POLR3A: variants seen among roughly 807,000 people sequenced by gnomAD.
The protein encoded by POLR3A is DNA-directed RNA polymerase III subunit RPC1.
POLR3A carries 112 observed loss-of-function variants against 152.8 expected under a neutral mutation model. That is an observed-to-expected ratio of 0.73 (90% CI 0.63 to 0.86). The LOEUF (loss-of-function observed/expected upper bound fraction) is 0.86, where lower values mean the gene tolerates loss of function less well. Among genes scored for constraint, POLR3A ranks in the 40% least tolerant of loss-of-function variants. The pLI is 0.00. For synonymous variants in POLR3A, 615 were observed against 652.1 expected, an observed-to-expected ratio of 0.94 and a Z score of 0.87; for missense variants, 1,385 against 1,743.1, an observed-to-expected ratio of 0.79 and a Z score of 3.66.
chr10:78,020,728 C>T (rs1847571405), intron 8 of POLR3A, among the ~76,000 whole-genome samples: 1 of 152,056 alleles, frequency 6.6e-6, no homozygotes, highest in Admixed American at 6.6e-5. Flanking sequence ...GTGGAGCTTG[C>T]CGTAAGCAGA....
rs1847584704 is a variant in POLR3A, at chr10:78,022,028, A to G, written c.886-6T>C. ...TTGGCTCCTGAGATCCGATGCTAAA[A>G]CCAGCACAGCCCAAACAGAAACAAA... On this transcript the variant is annotated splice_polypyrimidine_tract_variant and splice_region_variant and intron_variant, in intron 6 of 30. Transcript: ENST00000372371. 6.2e-7 allele frequency: 1 copy of G among 1,614,168 alleles called. No individual in the cohort carries two copies.
In POLR3A at chr10:77,975,981, AG is replaced by A. The variant is rs1339061447; in HGVS notation, c.*1496del. The A allele has an allele frequency of 3.3e-5, 5 of 152,192 alleles. No homozygotes were observed. Among genetic ancestry groups the A allele is most frequent in the Admixed American group, 1.3e-4 (2 of 15,290 alleles). 9.4% of individuals were successfully genotyped at this position (152,192 alleles called of 1,614,324 possible). A position where few individuals can be genotyped will look rare whatever the true frequency, so the allele number is the denominator to read the frequency against. On this transcript the variant is annotated 3_prime_UTR_variant, in exon 31 of 31. Transcript: ENST00000372371. Reference sequence around the variant, plus strand: ...AGGCTCTAGCTCAATTCAAAGATAAAGGGGGGTTAAACATTAAGAAAAATGG... The same window carrying A: ...AGGCTCTAGCTCAATTCAAAGATAAAGGGGGTTAAACATTAAGAAAAATGG...
intron 21 of POLR3A, among the ~76,000 whole-genome samples, chr10:77,988,546 A>G (rs1223649188): frequency 6.6e-6 from 1 of 152,168 alleles, no homozygotes. Flanking sequence ...TAGAGTTCTC[A>G]AGAAACTCTT....
At chr10:78,010,618 T>C in intron 11 of POLR3A, 78 bp from the exon 12 acceptor site, 1 of 990,752 alleles carries the variant, frequency 1.0e-6, no homozygotes, top group South Asian at 1.3e-5. Context: ...ACAAGGTTTT[T>C]GAATAGTTAT....
chr10:77,991,845 C>T (rs1489831933), intron 20 of POLR3A, among the ~76,000 whole-genome samples: 4 of 152,156 alleles, frequency 2.6e-5, no homozygotes, highest in Non-Finnish European at 5.9e-5. Flanking sequence ...CTCTCCTCTG[C>T]TTTGTCCAAG....
At chr10:78,029,323 C>A (rs772964469) in intron 1 of POLR3A, 41 bp downstream of exon 1, 20 of 1,608,418 alleles carry the variant, frequency 1.2e-5, no homozygotes, top group Non-Finnish European at 1.6e-5. Context: ...GGACCCCTTG[C>A]CCTATTTCTC....
In POLR3A at chr10:78,022,138, C is replaced by G; in HGVS notation, c.885+7G>C. The G allele has an allele frequency of 6.2e-7, 1 of 1,614,154 alleles. No homozygotes were observed. The highest frequency in any genetic ancestry group is 8.5e-7 in the Non-Finnish European group (1 of 1,180,012). ...ATGAAACTTACAAGGAAATGGGAGG[C>G]ACTGACCTTTTTAATAACATCGTTT... On this transcript the variant is annotated splice_region_variant and intron_variant, in intron 6 of 30. Transcript: ENST00000372371.
At chr10:78,016,872 CAA>C (rs201996598) in intron 10 of POLR3A, among the ~76,000 whole-genome samples, 47 of 79,554 alleles carry the variant, frequency 5.9e-4, no homozygotes, top group Non-Finnish European at 6.0e-4. Flanking sequence ...AGACTGTCTC[CAA>C]AAAAAAAAAA....
chr10:77,983,398 A>G (rs1019463889), intron 26 of POLR3A, among the ~76,000 whole-genome samples: 1 of 152,210 alleles, frequency 6.6e-6, no homozygotes, highest in Admixed American at 6.5e-5. Flanking sequence ...CCCGAGAGAA[A>G]GAAGAGGGTG....
chr10:78,004,721 G>C lies in POLR3A; in HGVS notation c.2242C>G (p.Leu748Val). Residue 748 changes from leucine to valine, a missense_variant, in exon 16 of 31, where the codon CTG (leucine) becomes GTG (valine). This residue lies in a region of POLR3A where 170 missense variants were observed against 231.2 expected (regional missense o/e 0.74). Coordinates refer to ENST00000372371, the MANE Select transcript of POLR3A (RefSeq NM_007055.4). The stretch of plus-strand genomic sequence containing the variant: ...AACCAAAGGGCCGGGCTCACCTCCA[G>C]GGTCTCCTCAGCAGTGCAGCCAGGC... ...QQPGCTAEET[L>V]EALILKELSV... 1 of 1,612,822 alleles carries C rather than the reference G, an allele frequency of 6.2e-7. No homozygotes were observed. Among genetic ancestry groups the C allele is most frequent in the Admixed American group, 1.7e-5 (1 of 60,008 alleles).
chr10:78,001,128 T>A, intron 17 of POLR3A, 34 bp from the exon 18 acceptor site: 1 of 1,170,274 alleles, frequency 8.5e-7, no homozygotes, highest in Non-Finnish European at 1.3e-6. Flanking sequence ...AACATTCATT[T>A]ACCAAAATAA....
intron 19 of POLR3A, among the ~76,000 whole-genome samples, chr10:77,999,652 A>G (rs555068346): frequency 6.6e-6 from 1 of 152,320 alleles, no homozygotes; most frequent in South Asian, 2.1e-4. Context: ...AGGCCTTGCA[A>G]TAACCCTCAT....
chr10:78,026,259 C>T (rs747569805), intron 1 of POLR3A, 30 bp from the exon 2 acceptor site: 1 of 1,613,690 alleles, frequency 6.2e-7, no homozygotes, highest in South Asian at 1.1e-5. Flanking sequence ...GTGAAAATTA[C>T]AGCAAAATCT....
chr10:78,007,744 C>T lies in POLR3A; in HGVS notation c.2032G>A (p.Asp678Asn). Residue 678 changes from aspartate to asparagine, a missense_variant, in exon 15 of 31, where the codon GAT (aspartate) becomes AAT (asparagine). Asp to Asn is a conservative substitution (Grantham distance 23). This residue lies in a region of POLR3A where 170 missense variants were observed against 231.2 expected (regional missense o/e 0.74). Transcript: ENST00000372371. ...AGCCTGGCGAGCCGTGACATGGCAT[C>T]TGCAGCTTCATTCTGTCCCCAGTCT... Reference protein sequence around the residue: ...LRDWGQNEAADAMSRLARLAP... With the variant: ...LRDWGQNEAANAMSRLARLAP... The T allele has an allele frequency of 6.2e-7, 1 of 1,614,118 alleles. No individual in the cohort carries two copies.
intron 10 of POLR3A, among the ~76,000 whole-genome samples, chr10:78,014,023 A>G (rs1198031484): frequency 6.6e-6 from 1 of 152,130 alleles, no homozygotes; most frequent in African/African-American, 2.4e-5. Flanking sequence ...CAGGTGTGGT[A>G]ACACATGCCT....
chr10:77,996,391 TCAA>T (rs952772629), intron 19 of POLR3A, among the ~76,000 whole-genome samples: 12 of 151,854 alleles, frequency 7.9e-5, no homozygotes, highest in African/African-American at 2.2e-4. Flanking sequence ...TTTGAAAAGA[TCAA>T]CAAAATTGAC....
At chr10:77,979,819 G>A (rs1847123201) in intron 30 of POLR3A, among the ~76,000 whole-genome samples, 1 of 152,174 alleles carries the variant, frequency 6.6e-6, no homozygotes, top group Non-Finnish European at 1.5e-5. Flanking sequence ...CACACACAGG[G>A]GTCAGGATCA....
At chr10:78,023,916 T>A (rs879450712) in intron 5 of POLR3A, among the ~76,000 whole-genome samples, 2 of 152,058 alleles carry the variant, frequency 1.3e-5, no homozygotes, top group South Asian at 4.2e-4. Context: ...GGTGAGAGGA[T>A]CTCTTGGGCT....
At chr10:77,989,092 G>GT (rs1339962050) in intron 21 of POLR3A, among the ~76,000 whole-genome samples, 2 of 152,142 alleles carry the variant, frequency 1.3e-5, no homozygotes, top group Non-Finnish European at 2.9e-5. Context: ...TGGAAATTAG[G>GT]TTTAAAAATA....
Sources: gnomAD v4.1 joint callset for allele counts (sites outside exome capture counted in the v4.1 genomes callset) on GRCh38, gnomAD v4.1.1 for gene constraint, gnomAD v4.1.1 regional missense constraint, MANE v1.5 for transcripts, NCBI Gene and HGNC (gene_info 2026-07-23, HGNC 2026-07-21) for gene names.